Variants in BTD observed in about 807,000 individuals in gnomAD.
BTD encodes the protein biotinidase.
A neutral mutation model predicts 17.7 loss-of-function variants in BTD; 13 were observed. The observed-to-expected ratio is 0.74, with a 90% CI of 0.48 to 1.17. The LOEUF (loss-of-function observed/expected upper bound fraction) is 1.17. BTD is among the 50% of genes most tolerant of loss of function. BTD has a pLI of 0.00. For synonymous variants in BTD, 240 were observed against 245.2 expected (o/e 0.98, Z 0.20); for missense variants, 674 against 650.4 (o/e 1.04, Z -0.39).
intron 1 of BTD, among the ~76,000 whole-genome samples, chr3:15,619,188 T>A (rs552666269): frequency 6.6e-6 from 1 of 152,356 alleles, no homozygotes; most frequent in Admixed American, 6.5e-5. Context: ...GGTGGTTTTT[T>A]AAATCAAGTT....
chr3:15,638,520 T>C (rs1243218715), intron 2 of BTD, among the ~76,000 whole-genome samples: 2 of 152,232 alleles, frequency 1.3e-5, no homozygotes, highest in African/African-American at 4.8e-5. Context: ...ATCAAAGATA[T>C]GTACAGGGTA....
intron 3 of BTD, among the ~76,000 whole-genome samples, chr3:15,664,409 T>TA (rs558448247): frequency 3.3e-5 from 5 of 152,254 alleles, no homozygotes; most frequent in Non-Finnish European, 5.9e-5. Context: ...TGTGGGCTGT[T>TA]AGTTTTCAGG....
chr3:15,681,835 C>T (rs146742186), intron 3 of BTD, among the ~76,000 whole-genome samples: 1 of 152,276 alleles, frequency 6.6e-6, no homozygotes, highest in East Asian at 1.9e-4. Context: ...CAACTGGCAT[C>T]TAGTGGGTAG....
chr3:15,680,418 G>A (rs1290379138), intron 3 of BTD, among the ~76,000 whole-genome samples: 1 of 151,932 alleles, frequency 6.6e-6, no homozygotes, highest in African/African-American at 2.4e-5. Flanking sequence ...TGTTGGTCAG[G>A]CTGATCTCAA....
At chr3:15,670,629 A>C (rs898103995) in intron 3 of BTD, 1 of 1,416,648 alleles carries the variant, frequency 7.1e-7, no homozygotes, top group African/African-American at 1.4e-5. Context: ...AAATAAGCCT[A>C]AAGTACTTCA....
chr3:15,691,874 A>C (rs2068847330), intron 3 of BTD, among the ~76,000 whole-genome samples: 1 of 152,166 alleles, frequency 6.6e-6, no homozygotes, highest in Non-Finnish European at 1.5e-5. Context: ...CACACCTATA[A>C]TCCCAGCACT....
rs869568 is a variant in BTD at position 15,649,434 on chromosome 3, T to C, written c.*3946T>C. On this transcript the variant is annotated 3_prime_UTR_variant, in exon 4 of 4. Transcript: ENST00000643237. Reference sequence around the variant, plus strand: ...GTTAGATGCCCAGAGGTGAACCTCATTGGGTACCATCCTGCAGGTGGGCTG... The same window carrying C: ...GTTAGATGCCCAGAGGTGAACCTCACTGGGTACCATCCTGCAGGTGGGCTG... Among the ~76,000 whole-genome samples, 88,711 of 152,132 alleles carry C rather than the reference T, an allele frequency of 0.58. 26,609 individuals carry two copies. The highest frequency in any genetic ancestry group is 0.7 in the Middle Eastern group (206 of 294).
chr3:15,718,827 AAATGTC>A (rs2073379141), intron 4 of BTD, among the ~76,000 whole-genome samples: 1 of 152,228 alleles, frequency 6.6e-6, no homozygotes, highest in African/African-American at 2.4e-5. Context: ...TTGCTTTTGA[AAATGTC>A]AAGATTAATT....
chr3:15,651,639 A>G lies in BTD; in HGVS notation c.*6151A>G, dbSNP rs1339783684. ...GTCTCCTCTCTCTTCTCCGCTCCTG[A>G]CTCCTGCTGCGGCCTCCCACTGGCT... On this transcript the variant is annotated 3_prime_UTR_variant, in exon 4 of 4. Coordinates refer to ENST00000643237, the MANE Select transcript of BTD (RefSeq NM_001370658.1). Among the ~76,000 whole-genome samples, 1 of 152,054 alleles carries G rather than the reference A, an allele frequency of 6.6e-6. No homozygotes were observed. Among genetic ancestry groups the G allele is most frequent in the East Asian group, 1.9e-4 (1 of 5,186 alleles).
chr3:15,645,661 G>A lies in BTD; in HGVS notation c.*173G>A. The A allele has an allele frequency of 1.5e-6, 1 of 664,224 alleles. No individual in the cohort carries two copies. Among genetic ancestry groups the A allele is most frequent in the Non-Finnish European group, 2.5e-6 (1 of 394,628 alleles). The allele number at this position is 664,224 out of a possible 1,614,324, so 41.1% of individuals were successfully genotyped here. On this transcript the variant is annotated 3_prime_UTR_variant, in exon 4 of 4. Coordinates refer to ENST00000643237, the MANE Select transcript of BTD (RefSeq NM_001370658.1). ...AAAGTAGGAGAGGCAGATTCCCTCA[G>A]TGTCTTCCTCTTAAACCTCAATCAT...
chr3:15,708,534 C>T (rs907144332), intron 3 of BTD, among the ~76,000 whole-genome samples: 8 of 151,876 alleles, frequency 5.3e-5, no homozygotes, highest in African/African-American at 1.9e-4. Context: ...TTACTTTCAA[C>T]CCTCTCAACT....
intron 3 of BTD, among the ~76,000 whole-genome samples, chr3:15,696,452 T>C (rs2069572286): frequency 6.6e-6 from 1 of 152,154 alleles, no homozygotes; most frequent in Admixed American, 6.5e-5. Flanking sequence ...AGAATCTTCT[T>C]GATTCAAAGT....
chr3:15,644,299 AC>A lies in BTD; in HGVS notation c.400-15del. The A allele has an allele frequency of 6.2e-7, 1 of 1,609,628 alleles. No individual in the cohort carries two copies. The highest frequency in any genetic ancestry group is 8.5e-7 in the Non-Finnish European group (1 of 1,177,792). On this transcript the variant is annotated splice_polypyrimidine_tract_variant and intron_variant, in intron 3 of 3. Coordinates refer to ENST00000643237, the MANE Select transcript of BTD (RefSeq NM_001370658.1). ...ACAGGCAAAAACCTCATTTATTTAC[AC>A]CTTTTTTTCCTCTAGGTGCTCCAGC...
intron 1 of BTD, among the ~76,000 whole-genome samples, chr3:15,634,304 G>T (rs960135707): frequency 2.0e-5 from 3 of 152,162 alleles, no homozygotes; most frequent in African/African-American, 7.2e-5. Flanking sequence ...TCTTTGATTT[G>T]TCTTTGTTAT....
At chr3:15,681,719 T>C (rs9854605) in intron 3 of BTD, among the ~76,000 whole-genome samples, 6,279 of 152,290 alleles carry the variant, frequency 0.041, 421 homozygotes, top group African/African-American at 0.14. Context: ...TGTCAGTTCT[T>C]TTCTCTAATC....
At chr3:15,641,095 C>T (rs756404817) in intron 2 of BTD, among the ~76,000 whole-genome samples, 9 of 152,166 alleles carry the variant, frequency 5.9e-5, no homozygotes, top group Non-Finnish European at 1.2e-4. Flanking sequence ...GAGCTGAGGG[C>T]GGCCCTGTTT....
rs377571945 is a variant in BTD, at chr3:15,603,755, G to A, written c.-17+1861G>A. On this transcript the variant is annotated intron_variant, in intron 1 of 3. Transcript: ENST00000643237. ...GCACGGGAGTGAGGTAAATATACCC[G>A]TTCCAAATGGGAGAAATTGGTCAAG... 7.2e-5 allele frequency among the ~76,000 whole-genome samples: 11 copies of A among 152,336 alleles called. No individual in the cohort carries two copies. The East Asian group carries it at 1.2e-3, about 16-fold the overall frequency.
chr3:15,705,056 G>C (rs938912180), intron 3 of BTD, among the ~76,000 whole-genome samples: 5 of 152,142 alleles, frequency 3.3e-5, no homozygotes, highest in African/African-American at 9.7e-5. Context: ...AATGGGTACA[G>C]TATGGAAACT....
intron 3 of BTD, among the ~76,000 whole-genome samples, chr3:15,708,608 T>G (rs1389825951): frequency 6.6e-6 from 1 of 152,178 alleles, no homozygotes; most frequent in Non-Finnish European, 1.5e-5. Flanking sequence ...TACTAAAAAT[T>G]AATATAAACT....
Sources: gnomAD v4.1 joint callset for allele counts (sites outside exome capture counted in the v4.1 genomes callset) on GRCh38, gnomAD v4.1.1 for gene constraint, MANE v1.5 for transcripts, NCBI Gene and HGNC (gene_info 2026-07-23, HGNC 2026-07-21) for gene names.